EML1: variants seen among roughly 807,000 people sequenced by gnomAD.
The protein encoded by EML1 is echinoderm microtubule-associated protein-like 1.
In EML1, 27 loss-of-function variants were observed where a neutral mutation model predicts 110.4. That is an observed-to-expected ratio of 0.24 (90% confidence interval 0.18 to 0.34). The LOEUF is 0.34. Among genes scored for constraint, EML1 ranks in the 10% least tolerant of loss-of-function variants. The probability of loss-of-function intolerance (pLI) is 1.00; values close to 1 mark genes in which losing one functional copy is unlikely to be tolerated. For synonymous variants in EML1, 344 were observed against 385.8 expected (o/e 0.89, Z 1.27); for missense variants, 741 against 1,030.9 (o/e 0.72, Z 3.85).
At chr14:99,836,493 C>T (rs749569644) in intron 1 of EML1, among the ~76,000 whole-genome samples, 1 of 152,066 alleles carries the variant, frequency 6.6e-6, no homozygotes, top group Non-Finnish European at 1.5e-5. Context: ...AGTCTGTATA[C>T]CTTTTACTTC....
At chr14:99,933,841 C>T (rs2060417952) in intron 17 of EML1, among the ~76,000 whole-genome samples, 1 of 152,214 alleles carries the variant, frequency 6.6e-6, no homozygotes, top group Non-Finnish European at 1.5e-5. Context: ...CGCCTGTAAT[C>T]CCAGCACTTC....
intron 1 of EML1, among the ~76,000 whole-genome samples, chr14:99,802,133 G>T (rs189467038): frequency 6.6e-6 from 1 of 152,160 alleles, no homozygotes; most frequent in Non-Finnish European, 1.5e-5. Flanking sequence ...GGGTAGGTGG[G>T]AGTGGGGAGA....
intron 1 of EML1, among the ~76,000 whole-genome samples, chr14:99,837,011 GA>G (rs1451889591): frequency 6.9e-6 from 1 of 144,052 alleles, no homozygotes; most frequent in Non-Finnish European, 1.5e-5. Context: ...TTTTTTGGAT[GA>G]TTTTTTTTTC....
intron 1 of EML1, among the ~76,000 whole-genome samples, chr14:99,762,220 CT>C (rs1401907049): frequency 6.6e-6 from 1 of 152,100 alleles, no homozygotes; most frequent in Non-Finnish European, 1.5e-5. Flanking sequence ...CACTGAATTG[CT>C]TTTAAATCTA....
At chr14:99,921,998 A>G (rs866274601) in intron 17 of EML1, among the ~76,000 whole-genome samples, 1 of 152,140 alleles carries the variant, frequency 6.6e-6, no homozygotes, top group Admixed American at 6.6e-5. Flanking sequence ...GATTCCTACA[A>G]TATGTAGTTG....
intron 5 of EML1, 132 bp downstream of exon 5, chr14:99,891,359 G>A (rs1461391388): frequency 1.5e-5 from 17 of 1,127,808 alleles, no homozygotes; most frequent in African/African-American, 3.1e-5. Context: ...AGGCCCAGAT[G>A]GAGCTTTGTA....
intron 1 of EML1, among the ~76,000 whole-genome samples, chr14:99,754,694 A>G (rs980366478): frequency 6.6e-6 from 1 of 152,246 alleles, no homozygotes; most frequent in African/African-American, 2.4e-5. Flanking sequence ...GGCAGAGAGC[A>G]CTGGCAAAGC....
chr14:99,910,317 G>T lies in EML1; in HGVS notation c.1315G>T (p.Gly439Cys). 6.2e-7 allele frequency: 1 copy of T among 1,613,238 alleles called. No homozygotes were observed. ...TGACACCATTACTGGAGATTCAAGT[G>T]GCAACATCTTAGTATGGGGAAAAGG... is the stretch of plus-strand genomic sequence containing the variant. ...NGDTITGDSS[G>C]NILVWGKGTN... Residue 439 changes from glycine (G) to cysteine (C), a missense_variant, in exon 12 of 22, where the codon GGC (glycine) becomes TGC (cysteine). Around this residue, in one of 4 missense-constraint regions of EML1, gnomAD observed 388 missense variants for 605.6 expected, o/e 0.64. Coordinates refer to ENST00000262233, the MANE Select transcript of EML1 (RefSeq NM_004434.3).
chr14:99,886,411 G>T (rs764813622), intron 4 of EML1, among the ~76,000 whole-genome samples: 2 of 151,854 alleles, frequency 1.3e-5, no homozygotes, highest in Non-Finnish European at 2.9e-5. Flanking sequence ...GAGCCAGGAG[G>T]TGGAGGTTGC....
At chr14:99,911,374 G>A in intron 12 of EML1, 48 bp from the exon 13 acceptor site, 4 of 1,538,868 alleles carry the variant, frequency 2.6e-6, no homozygotes, top group Non-Finnish European at 3.5e-6. Flanking sequence ...AATGGGCAGA[G>A]GCAACCTTTT....
chr14:99,928,144 T>A (rs914337620), intron 17 of EML1, among the ~76,000 whole-genome samples: 1 of 36,758 alleles, frequency 2.7e-5, no homozygotes, highest in African/African-American at 9.2e-5. Flanking sequence ...GTGGTGGTGG[T>A]GGTGGTGGTG....
intron 13 of EML1, 119 bp from the exon 14 acceptor site, chr14:99,914,060 T>C (rs1197435748): frequency 8.3e-7 from 1 of 1,204,430 alleles, no homozygotes; most frequent in East Asian, 2.5e-5. Flanking sequence ...GTACATTATA[T>C]ACATATGTGT....
chr14:99,794,135 G>A (rs190706831), intron 1 of EML1, among the ~76,000 whole-genome samples: 1 of 152,278 alleles, frequency 6.6e-6, no homozygotes, highest in Non-Finnish European at 1.5e-5. Flanking sequence ...TGGGATAATG[G>A]ATTCTTTTTT....
intron 1 of EML1, among the ~76,000 whole-genome samples, chr14:99,740,439 A>G (rs959603833): frequency 2.6e-5 from 4 of 152,184 alleles, no homozygotes; most frequent in Non-Finnish European, 5.9e-5. Flanking sequence ...CTAGCTCAAC[A>G]TTGCCTCCAA....
chr14:99,909,073 A>G (rs1255135272), intron 10 of EML1, among the ~76,000 whole-genome samples: 1 of 152,174 alleles, frequency 6.6e-6, no homozygotes, highest in African/African-American at 2.4e-5. Context: ...TGGCCCTGGG[A>G]GAGGCCCTGG....
chr14:99,791,989 C>T (rs2057679618), upstream of EML1, among the ~76,000 whole-genome samples: 1 of 152,218 alleles, frequency 6.6e-6, no homozygotes, highest in South Asian at 2.1e-4. Context: ...CACCTGTGGC[C>T]CTTCAGCCTT....
intron 1 of EML1, among the ~76,000 whole-genome samples, chr14:99,744,014 A>G (rs2057075243): frequency 6.6e-6 from 1 of 152,252 alleles, no homozygotes; most frequent in African/African-American, 2.4e-5. Flanking sequence ...AATAAAATAT[A>G]GAAACCAGTT....
At chr14:99,878,972 T>C (rs1206787366) in intron 4 of EML1, among the ~76,000 whole-genome samples, 1 of 151,844 alleles carries the variant, frequency 6.6e-6, no homozygotes, top group Admixed American at 6.6e-5. Flanking sequence ...TCTCCTGACC[T>C]TTTTAAGTTC....
chr14:99,881,100 C>T (rs551331649), intron 4 of EML1, among the ~76,000 whole-genome samples: 6 of 152,308 alleles, frequency 3.9e-5, no homozygotes, highest in African/African-American at 1.2e-4. Flanking sequence ...AGGCATCGGG[C>T]GGGAGCTGGT....
Sources: allele counts gnomAD v4.1 joint callset (sites outside exome capture counted in the v4.1 genomes callset), GRCh38; gene constraint gnomAD v4.1.1; regional missense constraint gnomAD v4.1.1; transcripts MANE v1.5; gene names NCBI Gene and HGNC (gene_info 2026-07-23, HGNC 2026-07-21).